Variants in TMTC2 observed in about 807,000 individuals in gnomAD.
TMTC2 encodes protein O-mannosyl-transferase TMTC2.
In TMTC2, 43 loss-of-function variants were observed where a neutral mutation model predicts 82.4. The observed-to-expected ratio is 0.52, with a 90% CI of 0.41 to 0.67. The LOEUF is 0.67. Ranked by LOEUF, TMTC2 falls within the 30% of genes least tolerant of loss-of-function variation. TMTC2 has a pLI of 0.00. For synonymous variants in TMTC2, 408 were observed against 381.9 expected, an observed-to-expected ratio of 1.07 and a Z score of -0.80; for missense variants, 919 against 1,012.4, an observed-to-expected ratio of 0.91 and a Z score of 1.25.
intron 1 of TMTC2, among the ~76,000 whole-genome samples, chr12:82,839,498 A>C (rs1463041078): frequency 1.3e-5 from 2 of 152,156 alleles, no homozygotes; most frequent in Admixed American, 6.5e-5. Context: ...TAAAGAGGGC[A>C]CTTTCAAGTA....
At chr12:82,819,384 T>C (rs1295405593) in intron 1 of TMTC2, among the ~76,000 whole-genome samples, 1 of 152,056 alleles carries the variant, frequency 6.6e-6, no homozygotes, top group Non-Finnish European at 1.5e-5. Context: ...GATCCTTTTT[T>C]CTCTGGCATA....
intron 4 of TMTC2, among the ~76,000 whole-genome samples, chr12:82,940,014 C>CTTTTTTTTTTTTTTTT (rs71309537): frequency 1.8e-4 from 16 of 91,264 alleles, no homozygotes; most frequent in Non-Finnish European, 2.8e-4. Context: ...TCTTTCTTTA[C>CTTTTTTTTTTTTTTTT]TTTTTTTTTT....
At chr12:83,002,376 A>G (rs781695761) in intron 8 of TMTC2, among the ~76,000 whole-genome samples, 1 of 152,032 alleles carries the variant, frequency 6.6e-6, no homozygotes, top group Non-Finnish European at 1.5e-5. Context: ...TGATCTATCA[A>G]CTTTGTTTAT....
chr12:82,854,122 A>C lies in TMTC2; in HGVS notation c.84-2888A>C, dbSNP rs1183533727. On this transcript the variant is annotated intron_variant, in intron 1 of 11. Transcript: ENST00000321196. Reference sequence around the variant, plus strand: ...GAAATTTATTTAATACACAGTCAATACATGGAGACTTGTAAAAATCAAAAT... The same window carrying C: ...GAAATTTATTTAATACACAGTCAATCCATGGAGACTTGTAAAAATCAAAAT... Among the ~76,000 whole-genome samples, 3 of 152,232 alleles carry C rather than the reference A, an allele frequency of 2.0e-5. No homozygotes were observed. The East Asian group carries it at 5.8e-4, about 29-fold the overall frequency.
chr12:82,886,659 C>T (rs185822495), intron 2 of TMTC2, among the ~76,000 whole-genome samples: 27 of 152,274 alleles, frequency 1.8e-4, no homozygotes, highest in Admixed American at 1.4e-3. Context: ...CATTATAAAA[C>T]TCTTTAATCT....
chr12:82,857,911 A>G (rs1039358956), intron 2 of TMTC2, among the ~76,000 whole-genome samples: 4 of 152,254 alleles, frequency 2.6e-5, no homozygotes, highest in African/African-American at 9.6e-5. Context: ...TAAATTGTCT[A>G]TAACGTGTAT....
chr12:82,974,920 T>C (rs1412469562), intron 7 of TMTC2, among the ~76,000 whole-genome samples: 3 of 152,118 alleles, frequency 2.0e-5, no homozygotes, highest in African/African-American at 7.2e-5. Context: ...GGAAAGAGGA[T>C]CTTCAAGGGA....
intron 8 of TMTC2, among the ~76,000 whole-genome samples, chr12:82,989,094 GA>G (rs574461095): frequency 6.7e-6 from 1 of 150,186 alleles, no homozygotes; most frequent in Non-Finnish European, 1.5e-5. Context: ...AGGATGTCAA[GA>G]AAAAAAGAAA....
At chr12:82,710,283 T>C (rs2136911916) in intron 1 of TMTC2, among the ~76,000 whole-genome samples, 1 of 152,386 alleles carries the variant, frequency 6.6e-6, no homozygotes, top group South Asian at 2.1e-4. Context: ...TTGTTGGCTG[T>C]GCTCTAATCA....
At chr12:82,876,861 T>C (rs1872608636) in intron 2 of TMTC2, among the ~76,000 whole-genome samples, 1 of 152,200 alleles carries the variant, frequency 6.6e-6, no homozygotes, top group African/African-American at 2.4e-5. Flanking sequence ...TTCCCCAATG[T>C]CCACATCTCA....
At chr12:82,912,675 C>T (rs1452329400) in intron 3 of TMTC2, among the ~76,000 whole-genome samples, 3 of 152,050 alleles carry the variant, frequency 2.0e-5, no homozygotes, top group African/African-American at 4.8e-5. Context: ...CAGTGGTTCT[C>T]GCCTATAATT....
chr12:82,847,737 T>C (rs182138625), intron 1 of TMTC2, among the ~76,000 whole-genome samples: 3 of 151,866 alleles, frequency 2.0e-5, no homozygotes, highest in African/African-American at 7.3e-5. Flanking sequence ...TAGGTGGGAA[T>C]TGAACAATGA....
At chr12:82,964,935 A>AT in intron 4 of TMTC2, 89 bp from the exon 5 acceptor site, 1 of 786,418 alleles carries the variant, frequency 1.3e-6, no homozygotes, top group Middle Eastern at 2.7e-4. Flanking sequence ...GCTGTTAACC[A>AT]TTTTTATTTT....
At chr12:82,875,982 T>A (rs967278918) in intron 2 of TMTC2, among the ~76,000 whole-genome samples, 3 of 147,306 alleles carry the variant, frequency 2.0e-5, no homozygotes, top group African/African-American at 7.7e-5. Flanking sequence ...ACCAGAGTTG[T>A]TGTTGGTGGT....
At chr12:82,773,536 C>G (rs527375999) in intron 1 of TMTC2, among the ~76,000 whole-genome samples, 6 of 151,536 alleles carry the variant, frequency 4.0e-5, no homozygotes, top group Admixed American at 3.9e-4. Context: ...TCTCGGCTCA[C>G]TGCAGCCTCT....
At chr12:83,030,716 T>C (rs1229157209) in intron 8 of TMTC2, 82 bp from the exon 9 acceptor site, 4 of 1,079,618 alleles carry the variant, frequency 3.7e-6, no homozygotes, top group South Asian at 2.8e-5. Context: ...CAAGTAGACA[T>C]TTGGCTACTT....
At chr12:82,719,085 A>ATATATATATATATAT (rs1282211374) in intron 1 of TMTC2, among the ~76,000 whole-genome samples, 2 of 41,416 alleles carry the variant, frequency 4.8e-5, no homozygotes, top group East Asian at 9.7e-4. Flanking sequence ...ATATATATAT[A>ATATATATATATATAT]TTTTTTTTTT....
At chr12:82,768,093 A>G (rs116816316) in intron 1 of TMTC2, among the ~76,000 whole-genome samples, 2,459 of 152,300 alleles carry the variant, frequency 0.016, 67 homozygotes, top group African/African-American at 0.057. Context: ...CAGGATAGCC[A>G]GGGGCTTCTC....
intron 3 of TMTC2, among the ~76,000 whole-genome samples, chr12:82,909,912 T>C (rs1874542554): frequency 6.6e-6 from 1 of 152,180 alleles, no homozygotes; most frequent in African/African-American, 2.4e-5. Flanking sequence ...TAATTCTCTT[T>C]CAGCAAAAGA....
Sources: gnomAD v4.1 joint callset for allele counts (sites outside exome capture counted in the v4.1 genomes callset) on GRCh38, gnomAD v4.1.1 for gene constraint, MANE v1.5 for transcripts, NCBI Gene and HGNC (gene_info 2026-07-23, HGNC 2026-07-21) for gene names.